C6: variants seen among roughly 807,000 people sequenced by gnomAD.
C6 encodes the protein complement component C6.
A neutral mutation model predicts 112.9 loss-of-function variants in C6; 101 were observed. The observed-to-expected ratio is 0.89, with a 90% CI of 0.76 to 1.06. The LOEUF (loss-of-function observed/expected upper bound fraction) is 1.06. Among genes scored for constraint, C6 ranks in the 50% least tolerant of loss-of-function variants. The pLI is 0.00. For missense variants in C6, 1,202 were observed against 1,104.6 expected (o/e 1.09, Z -1.25); for synonymous variants, 431 against 384.1 (o/e 1.12, Z -1.43).
chr5:41,170,954 C>G (rs1232382858), intron 9 of C6, among the ~76,000 whole-genome samples: 4 of 152,050 alleles, frequency 2.6e-5, no homozygotes, highest in Non-Finnish European at 5.9e-5. Context: ...TGCTTAAGGC[C>G]ATGTGAAACC....
chr5:41,146,690 G>C (rs1288179615), intron 17 of C6, among the ~76,000 whole-genome samples: 1 of 152,006 alleles, frequency 6.6e-6, no homozygotes, highest in East Asian at 1.9e-4. Flanking sequence ...CTATTAAGAA[G>C]TGTTCATGTA....
At position 41,158,686 on chromosome 5, in the gene C6, A is replaced by T. The variant is rs762851942; in HGVS notation, c.1956T>A (p.Asn652Lys). The change falls in exon 13 of 18, where the codon AAT becomes AAA. Residue 652 changes from asparagine to lysine, a missense_variant. Physicochemically the swap from Asn to Lys is moderately conservative, Grantham distance 94 (BLOSUM62 0). Coordinates refer to ENST00000337836, the MANE Select transcript of C6 (RefSeq NM_000065.5). Reference protein sequence around the residue: ...SGCPQPVPPENGFIRNEKQLY... With the variant: ...SGCPQPVPPEKGFIRNEKQLY... ...TTAGGATGCTGACCCGGATAAATCC[A>T]TTTTCTGGAGGAACTGGCTGAGGAC... 6.2e-7 allele frequency: 1 copy of T among 1,603,952 alleles called. No homozygotes were observed. Among genetic ancestry groups the T allele is most frequent in the South Asian group, 1.1e-5 (1 of 90,932 alleles).
At chr5:41,257,227 C>G (rs1022513590) in intron 1 of C6, among the ~76,000 whole-genome samples, 1 of 151,968 alleles carries the variant, frequency 6.6e-6, no homozygotes, top group Non-Finnish European at 1.5e-5. Context: ...TTTGTGTCCA[C>G]GTGTAAGCAA....
chr5:41,218,419 T>G (rs1561184196), upstream of C6, among the ~76,000 whole-genome samples: 1 of 152,090 alleles, frequency 6.6e-6, no homozygotes, highest in Non-Finnish European at 1.5e-5. Context: ...CTTTGTAAAA[T>G]TTACAATCTC....
intron 7 of C6, among the ~76,000 whole-genome samples, chr5:41,177,752 T>C (rs1166438967): frequency 6.6e-6 from 1 of 152,208 alleles, no homozygotes; most frequent in Non-Finnish European, 1.5e-5. Context: ...TCCTTTATTC[T>C]ACCTTCTGGC....
intron 15 of C6, 84 bp downstream of exon 15, chr5:41,153,726 G>A: frequency 9.4e-7 from 1 of 1,065,966 alleles, no homozygotes; most frequent in Non-Finnish European, 1.5e-6. Context: ...CAGTGCTTAA[G>A]AAATATAATG....
intron 5 of C6, 117 bp from the exon 6 acceptor site, chr5:41,186,325 G>A: frequency 8.8e-7 from 1 of 1,135,254 alleles, no homozygotes; most frequent in Non-Finnish European, 1.3e-6. Context: ...CAAATGACTT[G>A]AAGGAATCCC....
chr5:41,210,594 C>T (rs1751835799), intron 1 of C6, among the ~76,000 whole-genome samples: 1 of 152,058 alleles, frequency 6.6e-6, no homozygotes, highest in Non-Finnish European at 1.5e-5. Flanking sequence ...GAAATGTCTT[C>T]TCAAAAGAAG....
At chr5:41,196,158 T>C (rs1420702835) in intron 4 of C6, among the ~76,000 whole-genome samples, 3 of 152,110 alleles carry the variant, frequency 2.0e-5, no homozygotes, top group Non-Finnish European at 4.4e-5. Context: ...GCTGATTGTC[T>C]TTAAAAAGAG....
intron 1 of C6, among the ~76,000 whole-genome samples, chr5:41,252,499 T>C (rs1741430791): frequency 6.6e-6 from 1 of 152,216 alleles, no homozygotes; most frequent in Non-Finnish European, 1.5e-5. Context: ...AACTCCAACC[T>C]GATTCTGATA....
chr5:41,198,394 A>G (rs892610261), intron 4 of C6, among the ~76,000 whole-genome samples: 1 of 152,172 alleles, frequency 6.6e-6, no homozygotes, highest in Non-Finnish European at 1.5e-5. Context: ...CCAAAAGGCT[A>G]TGACATCACC....
At chr5:41,211,296 G>A (rs1366801252) in intron 1 of C6, among the ~76,000 whole-genome samples, 1 of 141,190 alleles carries the variant, frequency 7.1e-6, no homozygotes, top group South Asian at 2.5e-4. Context: ...TAAATGACGA[G>A]TTAATGGGTG....
chr5:41,171,004 T>C (rs937907086), intron 9 of C6, among the ~76,000 whole-genome samples: 1 of 152,158 alleles, frequency 6.6e-6, no homozygotes, highest in Admixed American at 6.6e-5. Flanking sequence ...AATAAGATTT[T>C]CCATAGAGAA....
At chr5:41,160,987 G>A (rs556063560) in intron 10 of C6, among the ~76,000 whole-genome samples, 16 of 152,194 alleles carry the variant, frequency 1.1e-4, no homozygotes, top group Admixed American at 8.5e-4. Flanking sequence ...GCAAGTACCC[G>A]GAGGGGCAGC....
intron 1 of C6, among the ~76,000 whole-genome samples, chr5:41,232,548 G>T (rs970505698): frequency 5.9e-5 from 9 of 152,102 alleles, no homozygotes; most frequent in African/African-American, 2.2e-4. Flanking sequence ...TATCCTGTCA[G>T]TCAGAATCAG....
At chr5:41,176,160 C>T (rs186814265) in intron 8 of C6, among the ~76,000 whole-genome samples, 1 of 152,294 alleles carries the variant, frequency 6.6e-6, no homozygotes, top group Admixed American at 6.5e-5. Context: ...GAGATATTGG[C>T]ATGCATCTTC....
At chr5:41,170,399 ATC>A (rs1748326013) in intron 9 of C6, among the ~76,000 whole-genome samples, 1 of 151,870 alleles carries the variant, frequency 6.6e-6, no homozygotes, top group Non-Finnish European at 1.5e-5. Context: ...TAGCTTTGAA[ATC>A]TGTTTTAATT....
rs912841285 is a variant in C6, at chr5:41,191,707, G to A, written c.587+4085C>T. 1.0e-3 allele frequency among the ~76,000 whole-genome samples: 157 copies of A among 150,728 alleles called. 1 individual carries two copies. Among genetic ancestry groups the A allele is most frequent in the African/African-American group, 3.5e-3 (146 of 41,142 alleles). On this transcript the variant is annotated intron_variant, in intron 5 of 17. Transcript: ENST00000337836. The stretch of plus-strand genomic sequence containing the variant: ...TCTTGATTTCTTTTCCCTCTAGCTC[G>A]TGATAATATATAGAAATGCTACAGA...
chr5:41,165,162 T>C (rs930667465), intron 9 of C6, among the ~76,000 whole-genome samples: 2 of 152,220 alleles, frequency 1.3e-5, no homozygotes, highest in African/African-American at 4.8e-5. Flanking sequence ...TTTGTAGTAG[T>C]AGTTAATTCA....
Sources: allele counts gnomAD v4.1 joint callset (sites outside exome capture counted in the v4.1 genomes callset), GRCh38; gene constraint gnomAD v4.1.1; transcripts MANE v1.5; gene names NCBI Gene and HGNC (gene_info 2026-07-23, HGNC 2026-07-21).